The following CATSPERD variants were observed in gnomAD, a reference collection of about 807,000 sequenced individuals.
CATSPERD encodes the protein catsper channel auxiliary subunit delta.
A neutral mutation model predicts 98.1 loss-of-function variants in CATSPERD; 86 were observed. That is an observed-to-expected ratio of 0.88 (90% CI 0.74 to 1.05). The LOEUF (loss-of-function observed/expected upper bound fraction) is 1.05. Ranked by LOEUF, CATSPERD falls within the 50% of genes least tolerant of loss-of-function variation. CATSPERD has a pLI of 0.00. For missense variants in CATSPERD, 995 were observed against 1,005.7 expected (o/e 0.99, Z 0.14); for synonymous variants, 394 against 390.2 (o/e 1.01, Z -0.12).
intron 7 of CATSPERD, among the ~76,000 whole-genome samples, chr19:5,743,554 GTGCCAC>G (rs796879082): frequency 4.0e-5 from 6 of 148,488 alleles, no homozygotes; most frequent in African/African-American, 1.5e-4. Context: ...AGCCGAGGCT[GTGCCAC>G]TGCACTCCAG....
intron 7 of CATSPERD, among the ~76,000 whole-genome samples, chr19:5,743,859 A>G (rs2056044934): frequency 6.6e-6 from 1 of 152,188 alleles, no homozygotes; most frequent in South Asian, 2.1e-4. Flanking sequence ...ATCAGGAATG[A>G]GGACTCCCAG....
In CATSPERD at chr19:5,754,132, A is replaced by G. The variant is rs1194438201; in HGVS notation, c.1165A>G (p.Ile389Val). The G allele has an allele frequency of 1.3e-6, 2 of 1,592,830 alleles. No homozygotes were observed. Among genetic ancestry groups the G allele is most frequent in the Admixed American group, 1.7e-5 (1 of 59,920 alleles). Residue 389 changes from isoleucine to valine, a missense_variant and splice_region_variant, in exon 13 of 22, where the codon ATA (isoleucine) becomes GTA (valine). Around this residue, in one of 3 missense-constraint regions of CATSPERD, gnomAD observed 762 missense variants for 773.7 expected, o/e 0.98. Transcript: ENST00000381624. ...DPELHVGKCK[I>V]EFLTGEFIYR... ...CTTTCTTCTTCGCCTTTTTAACTAG[A>G]TAGAGTTTCTGACAGGAGAATTTAT...
intron 3 of CATSPERD, among the ~76,000 whole-genome samples, chr19:5,728,084 G>A (rs368883151): frequency 2.0e-5 from 3 of 150,576 alleles, no homozygotes; most frequent in Non-Finnish European, 4.4e-5. Context: ...GGTGGGCCAG[G>A]CGCAGTGGCT....
chr19:5,764,838 C>T (rs907586274), intron 16 of CATSPERD, among the ~76,000 whole-genome samples: 1 of 151,808 alleles, frequency 6.6e-6, no homozygotes, highest in Non-Finnish European at 1.5e-5. Flanking sequence ...TGGTCTTGAA[C>T]TCCTGACCTC....
intron 16 of CATSPERD, among the ~76,000 whole-genome samples, chr19:5,765,654 A>T (rs2056524533): frequency 6.6e-6 from 1 of 151,858 alleles, no homozygotes; most frequent in African/African-American, 2.4e-5. Context: ...TCTACTAAAA[A>T]TACAAAAATT....
At chr19:5,726,810 T>C (rs1419088057) in intron 2 of CATSPERD, among the ~76,000 whole-genome samples, 1 of 152,166 alleles carries the variant, frequency 6.6e-6, no homozygotes, top group Non-Finnish European at 1.5e-5. Flanking sequence ...GACATGATCA[T>C]AGTACGAGGT....
rs867034203 is a variant in CATSPERD at position 5,757,263 on chromosome 19, G to T, written c.1279-580G>T. Among the ~76,000 whole-genome samples, 231 of 149,508 alleles carry T rather than the reference G, an allele frequency of 1.5e-3. 1 individual carries two copies. Among genetic ancestry groups the T allele is most frequent in the African/African-American group, 5.5e-3 (225 of 40,922 alleles). ...AGACTCCATCTCAAAAATAAAGAAA[G>T]AAAGAAAATAATAAATAAATGCATT... On this transcript the variant is annotated intron_variant, in intron 13 of 21. Transcript: ENST00000381624.
At position 5,768,191 on chromosome 19, in the gene CATSPERD, G is replaced by T; in HGVS notation, c.1583G>T (p.Gly528Val). The change falls in exon 18 of 22, where the codon GGC becomes GTC. Residue 528 changes from glycine (G) to valine (V), a missense_variant. Physicochemically the swap from Gly to Val is moderately radical, Grantham distance 109. Coordinates refer to ENST00000381624, the MANE Select transcript of CATSPERD (RefSeq NM_152784.4). Reference protein sequence around the residue: ...IQNKVSACSMGILDPLTLQDN... With the variant: ...IQNKVSACSMVILDPLTLQDN... ...AGCAAAGTTTCCGCCTGTTCCATGG[G>T]CATCCTGGACCCCTTGACCCTGCAA... 2 of 1,613,606 alleles carry T rather than the reference G, an allele frequency of 1.2e-6. No homozygotes were observed. Among genetic ancestry groups the T allele is most frequent in the African/African-American group, 1.3e-5 (1 of 75,002 alleles).
intron 2 of CATSPERD, among the ~76,000 whole-genome samples, chr19:5,727,064 G>A (rs150900898): frequency 0.027 from 4,152 of 152,148 alleles, 92 homozygotes; most frequent in Non-Finnish European, 0.039. Context: ...GCATGGTGGC[G>A]GGCGCCTGTA....
intron 4 of CATSPERD, among the ~76,000 whole-genome samples, chr19:5,730,602 A>G (rs1427694500): frequency 6.7e-6 from 1 of 149,796 alleles, no homozygotes; most frequent in Non-Finnish European, 1.5e-5. Flanking sequence ...ATGGTATCTT[A>G]CTTTACATGC....
chr19:5,722,062 C>T (rs981004463), intron 1 of CATSPERD, among the ~76,000 whole-genome samples: 1 of 152,050 alleles, frequency 6.6e-6, no homozygotes, highest in African/African-American at 2.4e-5. Flanking sequence ...AGTGATCCTC[C>T]TGCCTCAGCC....
Position 5,742,394 on chromosome 19 carries a change from C to T in CATSPERD, c.574-2033C>T, listed in dbSNP as rs181313749. On this transcript the variant is annotated intron_variant, in intron 7 of 21. Transcript: ENST00000381624. ...TGTGGCAGTGGAATTGTTTTTATCA[C>T]GGACATTTCAAGAGGAGAGGTTACC... Among the ~76,000 whole-genome samples the T allele has an allele frequency of 2.0e-4, 31 of 152,232 alleles. No individual in the cohort carries two copies. The East Asian group carries it at 4.8e-3, about 24-fold the overall frequency.
In CATSPERD at chr19:5,748,776, G is replaced by A. The variant is rs532362830; in HGVS notation, c.905-325G>A. Among the ~76,000 whole-genome samples the A allele has an allele frequency of 1.3e-4, 14 of 108,022 alleles. No homozygotes were observed. The South Asian group carries it at 4.3e-3, about 33-fold the overall frequency. The allele number at this position is 108,022 out of a possible 152,430, so 70.9% of individuals were successfully genotyped here. A position where few individuals can be genotyped will look rare whatever the true frequency, so the allele number is the denominator to read the frequency against. On this transcript the variant is annotated intron_variant, in intron 10 of 21. Transcript: ENST00000381624. ...GATGGAGTTTCAATCTTGTTACCCA[G>A]GCTGGAGTAGTGGCGTGATCTCTGC...
chr19:5,749,056 G>C (rs1479040387), intron 10 of CATSPERD, 45 bp from the exon 11 acceptor site: 2 of 1,528,324 alleles, frequency 1.3e-6, no homozygotes, highest in Admixed American at 3.4e-5. Flanking sequence ...CCACAGAAAT[G>C]ACCAGCATTT....
chr19:5,765,710 G>T (rs1033880339), intron 16 of CATSPERD, among the ~76,000 whole-genome samples: 74 of 152,172 alleles, frequency 4.9e-4, no homozygotes, highest in African/African-American at 1.7e-3. Flanking sequence ...TACTTGGGAA[G>T]CTGAGGCAGG....
rs1337066953 is a variant in CATSPERD at position 5,735,076 on chromosome 19, CT to C, written c.391+1107del. Among the ~76,000 whole-genome samples, 3 of 152,060 alleles carry C rather than the reference CT, an allele frequency of 2.0e-5. No homozygotes were observed. In the East Asian group the frequency reaches 5.8e-4, roughly 29 times the overall value. The stretch of plus-strand genomic sequence containing the variant: ...TAGCTTTAGAAAAGAAGAGGATCGC[CT>C]GAGCCCAGGAGTTCAAGTCCACCCT... On this transcript the variant is annotated intron_variant, in intron 5 of 21. Transcript: ENST00000381624.
intron 16 of CATSPERD, among the ~76,000 whole-genome samples, chr19:5,763,847 C>CTTTT (rs56352544): frequency 0.02 from 1,272 of 62,092 alleles, 141 homozygotes; most frequent in African/African-American, 0.062. Flanking sequence ...TCTTGAACTC[C>CTTTT]TTTTTTTTTT....
intron 20 of CATSPERD, 54 bp downstream of exon 20, chr19:5,773,019 G>GGCTGCT: frequency 6.4e-7 from 1 of 1,572,324 alleles, no homozygotes; most frequent in Non-Finnish European, 8.7e-7. Context: ...CCAGGGGGTG[G>GGCTGCT]GAGAGTGCGT....
intron 7 of CATSPERD, among the ~76,000 whole-genome samples, chr19:5,741,554 C>A (rs565664113): frequency 1.6e-4 from 25 of 152,100 alleles, no homozygotes; most frequent in African/African-American, 5.8e-4. Context: ...TAAGGATGCT[C>A]ATCCCAAAGA....
Sources: allele counts gnomAD v4.1 joint callset (sites outside exome capture counted in the v4.1 genomes callset), GRCh38; gene constraint gnomAD v4.1.1; regional missense constraint gnomAD v4.1.1; transcripts MANE v1.5; gene names NCBI Gene and HGNC (gene_info 2026-07-23, HGNC 2026-07-21).